PARVG: variants seen among roughly 807,000 people sequenced by gnomAD.
The protein encoded by PARVG is gamma-parvin.
Under a neutral mutation model 44.4 loss-of-function variants are expected in PARVG, and 36 were observed. The ratio of observed to expected loss-of-function variants is 0.81; its 90% CI spans 0.62 to 1.07. The LOEUF is 1.07. Ranked by LOEUF, PARVG falls within the 50% of genes least tolerant of loss-of-function variation. The pLI is 0.00. For missense variants in PARVG, 407 were observed against 407.4 expected, an observed-to-expected ratio of 1.00 and a Z score of 0.01; for synonymous variants, 170 against 174.1, an observed-to-expected ratio of 0.98 and a Z score of 0.19.
At position 44,182,446 on chromosome 22, in the gene PARVG, A is replaced by C. The variant is rs948092338; in HGVS notation, c.-13+529A>C. Among the ~76,000 whole-genome samples the C allele has an allele frequency of 3.3e-5, 5 of 152,090 alleles. No individual in the cohort carries two copies. Among genetic ancestry groups the C allele is most frequent in the Non-Finnish European group, 5.9e-5 (4 of 68,016 alleles). ...TGTGTCCCCACCACCTCCATGCTAC[A>C]GGGCAGGATGGAGTCTGGCATCCCC... On this transcript the variant is annotated intron_variant, in intron 2 of 13. Coordinates refer to ENST00000444313, the MANE Select transcript of PARVG (RefSeq NM_022141.7). This position sits in a 1 kb window ranked among gnomAD's most constrained non-coding sequence, Gnocchi z 4.6.
At chr22:44,188,120 A>G (rs535979751) in intron 5 of PARVG, 150 of 567,816 alleles carry the variant, frequency 2.6e-4, no homozygotes, top group Non-Finnish European at 3.9e-4. Context: ...TGCTCTTTCT[A>G]CCACACCACA....
chr22:44,199,327 G>C (rs966894876), intron 12 of PARVG, among the ~76,000 whole-genome samples: 2 of 151,826 alleles, frequency 1.3e-5, no homozygotes, highest in Non-Finnish European at 2.9e-5. Context: ...TCACCTGCTT[G>C]TCCTGTCATG....
intron 6 of PARVG, among the ~76,000 whole-genome samples, chr22:44,189,928 A>C (rs2054525449): frequency 2.6e-5 from 4 of 152,134 alleles, no homozygotes; most frequent in African/African-American, 9.7e-5. Flanking sequence ...AAAGAAACAC[A>C]AAAACCAAGA....
intron 1 of PARVG, chr22:44,181,538 T>C: frequency 1.7e-6 from 1 of 573,984 alleles, no homozygotes; most frequent in Non-Finnish European, 2.2e-6. Flanking sequence ...GCTGCCATTT[T>C]GGAGGTGAAC....
Position 44,196,074 on chromosome 22 carries a change from CTT to C in PARVG, c.584-78_584-77del. On this transcript the variant is annotated intron_variant, in intron 9 of 13. Transcript: ENST00000444313. Reference sequence around the variant, plus strand: ...CCTCTGGACTGGTTATTCTAAGAAACTTTTGTGAAAAAAAAAATTCCCTGTTT... The same window carrying C: ...CCTCTGGACTGGTTATTCTAAGAAACTTGTGAAAAAAAAAATTCCCTGTTT... 3 of 1,537,656 alleles carry C rather than the reference CTT, an allele frequency of 2.0e-6. No homozygotes were observed. In the South Asian group the frequency reaches 3.4e-5, roughly 17 times the overall value.
Position 44,190,601 on chromosome 22 carries a change from G to T in PARVG, c.439G>T (p.Ala147Ser), listed in dbSNP as rs2054534468. The T allele has an allele frequency of 6.2e-7, 1 of 1,614,080 alleles. No homozygotes were observed. The highest frequency in any genetic ancestry group is 8.5e-7 in the Non-Finnish European group (1 of 1,179,980). Residue 147 changes from alanine (A) to serine (S), a missense_variant, in exon 7 of 14, where the codon GCC (alanine) becomes TCC (serine). Transcript: ENST00000444313. Reference sequence around the variant, plus strand: ...TACCCTGCACCTCCTTGTGGCCCTGGCCAAGCGCTTCCAGCCCGACCTCTC... The same window carrying T: ...TACCCTGCACCTCCTTGTGGCCCTGTCCAAGCGCTTCCAGCCCGACCTCTC... ...LSTLHLLVAL[A>S]KRFQPDLSLP... is the part of the protein sequence containing the mutation.
chr22:44,200,613 G>T lies in PARVG; in HGVS notation c.813+1891G>T, dbSNP rs549855280. On this transcript the variant is annotated intron_variant, in intron 12 of 13. Coordinates refer to ENST00000444313, the MANE Select transcript of PARVG (RefSeq NM_022141.7). Reference sequence around the variant, plus strand: ...CTCCATCCATGCCAGGGTTCCCGTGGCCTGGGGCAGGAGGACCTCTTTATC... The same window carrying T: ...CTCCATCCATGCCAGGGTTCCCGTGTCCTGGGGCAGGAGGACCTCTTTATC... 2.6e-5 allele frequency among the ~76,000 whole-genome samples: 4 copies of T among 152,334 alleles called. No homozygotes were observed. The South Asian group carries it at 8.3e-4, about 32-fold the overall frequency.
intron 8 of PARVG, among the ~76,000 whole-genome samples, chr22:44,192,684 C>T (rs2054565992): frequency 6.6e-6 from 1 of 150,998 alleles, no homozygotes; most frequent in Admixed American, 6.6e-5. Flanking sequence ...TGGGGTTGAC[C>T]ATCCTGCTCC....
At chr22:44,202,569 G>A (rs1428375791) in intron 12 of PARVG, among the ~76,000 whole-genome samples, 1 of 152,218 alleles carries the variant, frequency 6.6e-6, no homozygotes, top group Non-Finnish European at 1.5e-5. Context: ...GATTAGATGT[G>A]GGGGAAAAGC....
chr22:44,193,754 G>C (rs575950429), intron 8 of PARVG, 47 bp from the exon 9 acceptor site: 1 of 1,604,312 alleles, frequency 6.2e-7, no homozygotes, highest in Admixed American at 1.7e-5. Flanking sequence ...GGTTTGCGGG[G>C]TGTTTTTTTT....
chr22:44,190,538 ACT>A lies in PARVG; in HGVS notation c.389-8_389-7del. ...GCCTCCTGGGCTCTGACCTGTCTCCACTCTCTTCCCAGGCATCTTCAACAAGG... is the reference window on the plus strand; with the variant it reads ...GCCTCCTGGGCTCTGACCTGTCTCCACTCTTCCCAGGCATCTTCAACAAGG... On this transcript the variant is annotated splice_polypyrimidine_tract_variant and intron_variant, in intron 6 of 13. Transcript: ENST00000444313. The A allele has an allele frequency of 1.2e-6, 2 of 1,607,504 alleles. No individual in the cohort carries two copies. The highest frequency in any genetic ancestry group is 1.7e-6 in the Non-Finnish European group (2 of 1,174,306).
At chr22:44,176,527 C>T (rs1233447406), upstream of PARVG, among the ~76,000 whole-genome samples, 2 of 151,670 alleles carry the variant, frequency 1.3e-5, no homozygotes, top group Non-Finnish European at 2.9e-5. Flanking sequence ...GCACAAACAG[C>T]GTCCACATTT....
rs1227530212 is a variant in PARVG, at chr22:44,182,833, C to T, written c.-12-485C>T. On this transcript the variant is annotated intron_variant, in intron 2 of 13. Transcript: ENST00000444313. The surrounding 1 kb of genome is among the most constrained non-coding windows in gnomAD (Gnocchi z 4.6). ...TGAACAGTGCCTCTGTCAACCCTGGCCCTTCCGGTTTATGGGATGGGAGAT... is the reference window on the plus strand; with the variant it reads ...TGAACAGTGCCTCTGTCAACCCTGGTCCTTCCGGTTTATGGGATGGGAGAT... Among the ~76,000 whole-genome samples, 2 of 152,168 alleles carry T rather than the reference C, an allele frequency of 1.3e-5. No individual in the cohort carries two copies. The highest frequency in any genetic ancestry group is 2.9e-5 in the Non-Finnish European group (2 of 68,018).
intron 12 of PARVG, among the ~76,000 whole-genome samples, chr22:44,204,753 G>A (rs139180): frequency 3.8e-4 from 58 of 152,288 alleles, no homozygotes; most frequent in Middle Eastern, 6.8e-3. Context: ...TGTCCACCCC[G>A]TCTAGTGGAT....
At chr22:44,189,078 C>T (rs755339039) in intron 5 of PARVG, 36 bp from the exon 6 acceptor site, 73 of 1,612,866 alleles carry the variant, frequency 4.5e-5, no homozygotes, top group African/African-American at 2.1e-4. Context: ...GGTCTGTCCC[C>T]GGCCAGGGGT....
intron 7 of PARVG, among the ~76,000 whole-genome samples, chr22:44,191,201 T>G (rs1335118554): frequency 6.6e-6 from 1 of 151,886 alleles, no homozygotes; most frequent in African/African-American, 2.4e-5. Flanking sequence ...ATCCACGACT[T>G]CCCTCTCCAG....
rs182965839 is a variant in PARVG, at chr22:44,181,415, C to T, written c.-189+230C>T. On this transcript the variant is annotated intron_variant, in intron 1 of 13. Coordinates refer to ENST00000444313, the MANE Select transcript of PARVG (RefSeq NM_022141.7). ...TCCCGGGAGAGGAAGGGGCCTGGCC[C>T]GGGGCGGGGTGTGGAGGTGGGAGGA... The T allele has an allele frequency of 2.6e-5, 26 of 984,304 alleles. No individual in the cohort carries two copies. The East Asian group carries it at 1.5e-3, about 56-fold the overall frequency. 61.0% of individuals were successfully genotyped at this position (984,304 alleles called of 1,614,324 possible). A position where few individuals can be genotyped will look rare whatever the true frequency, so the allele number is the denominator to read the frequency against.
chr22:44,199,386 C>A (rs1167140659), intron 12 of PARVG, among the ~76,000 whole-genome samples: 7 of 151,980 alleles, frequency 4.6e-5, no homozygotes, highest in Admixed American at 4.6e-4. Context: ...GTTTATTGAT[C>A]CACCCAATTT....
At chr22:44,194,133 C>T (rs963711644) in intron 9 of PARVG, among the ~76,000 whole-genome samples, 1 of 152,232 alleles carries the variant, frequency 6.6e-6, no homozygotes, top group Non-Finnish European at 1.5e-5. Flanking sequence ...TGTTCCCACT[C>T]ATTAGCCACT....
Sources: gnomAD v4.1 joint callset for allele counts (sites outside exome capture counted in the v4.1 genomes callset) on GRCh38, gnomAD v4.1.1 for gene constraint, Gnocchi (gnomAD v3.1) non-coding constraint, MANE v1.5 for transcripts, NCBI Gene and HGNC (gene_info 2026-07-23, HGNC 2026-07-21) for gene names.